SEMA4F: variants seen among roughly 807,000 people sequenced by gnomAD.
The protein encoded by SEMA4F is ssemaphorin 4F, also known as semaphorin-4F.
Under a neutral mutation model 78.4 loss-of-function variants are expected in SEMA4F, and 51 were observed. The ratio of observed to expected loss-of-function variants is 0.65; its 90% CI spans 0.52 to 0.82. The LOEUF (loss-of-function observed/expected upper bound fraction) is 0.82, where lower values mean the gene tolerates loss of function less well. Among genes scored for constraint, SEMA4F ranks in the 40% least tolerant of loss-of-function variants. The probability of loss-of-function intolerance (pLI) is 0.00; values close to 1 mark genes in which losing one functional copy is unlikely to be tolerated. For missense variants in SEMA4F, 938 were observed against 1,014.4 expected (o/e 0.92, Z 1.02); for synonymous variants, 418 against 408.7 (o/e 1.02, Z -0.27).
downstream of SEMA4F, among the ~76,000 whole-genome samples, chr2:74,684,874 G>T: frequency 6.6e-6 from 1 of 152,214 alleles, no homozygotes; most frequent in East Asian, 1.9e-4. Flanking sequence ...TGAGGCGAGA[G>T]GATGGATTAA....
intron 5 of SEMA4F, among the ~76,000 whole-genome samples, chr2:74,671,147 T>C (rs1003003622): frequency 2.0e-5 from 3 of 152,170 alleles, no homozygotes; most frequent in Non-Finnish European, 4.4e-5. Flanking sequence ...TACTAGTACT[T>C]GGGTTCAAAC....
intron 4 of SEMA4F, among the ~76,000 whole-genome samples, chr2:74,662,185 G>A (rs186759377): frequency 2.6e-5 from 4 of 152,242 alleles, no homozygotes; most frequent in East Asian, 1.9e-4. Flanking sequence ...GCCCTTGGTC[G>A]TATGATGCAG....
rs1029372369 is a variant in SEMA4F, at chr2:74,654,252, A to C, written c.-125A>C. ...AGGGGGCGGAGCCGGGCGGTGTTTCATCCCTCAGCCTCAGGCTGAGCCGGA... is the reference window on the plus strand; with the variant it reads ...AGGGGGCGGAGCCGGGCGGTGTTTCCTCCCTCAGCCTCAGGCTGAGCCGGA... On this transcript the variant is annotated 5_prime_UTR_variant, in exon 1 of 14. Coordinates refer to ENST00000357877, the MANE Select transcript of SEMA4F (RefSeq NM_004263.5). 8.7e-7 allele frequency: 1 copy of C among 1,150,888 alleles called. No individual in the cohort carries two copies. The highest frequency in any genetic ancestry group is 1.6e-5 in the African/African-American group (1 of 61,172). 71.3% of individuals were successfully genotyped at this position (1,150,888 alleles called of 1,614,324 possible).
the SEMA4F span, among the ~76,000 whole-genome samples, chr2:74,707,895 G>T: frequency 6.6e-6 from 1 of 152,140 alleles, no homozygotes; most frequent in South Asian, 2.1e-4. Flanking sequence ...ATCCTCAGGG[G>T]TCTCCTCAAG....
chr2:74,655,307 GA>G, intron 1 of SEMA4F: 1 of 405,754 alleles, frequency 2.5e-6, no homozygotes. Context: ...ATGATCCTTT[GA>G]AAAGATGTGG....
rs779262858 is a variant in SEMA4F, at chr2:74,679,625, G to A, written c.1729G>A (p.Val577Met). 3.1e-6 allele frequency: 5 copies of A among 1,605,522 alleles called. No homozygotes were observed. Among genetic ancestry groups the A allele is most frequent in the African/African-American group, 1.3e-5 (1 of 74,900 alleles). The change falls in exon 14 of 14, where the codon GTG (valine) becomes ATG (methionine). Residue 577 changes from valine (V) to methionine (M), a missense_variant. By Grantham distance (21) the Val-to-Met change is conservative (BLOSUM62 1). Transcript: ENST00000357877. ...GERPVVFEVP[V>M]ATAAHVVLPC... ...ACGTCCAGTAGTGTTTGAAGTTCCCGTGGCTACAGCTGCGCATGTGGTCTT... is the reference window on the plus strand; with the variant it reads ...ACGTCCAGTAGTGTTTGAAGTTCCCATGGCTACAGCTGCGCATGTGGTCTT...
Position 74,666,291 on chromosome 2 carries a change from G to C in SEMA4F, c.550+3466G>C, listed in dbSNP as rs541522657. Among the ~76,000 whole-genome samples, 9 of 152,290 alleles carry C rather than the reference G, an allele frequency of 5.9e-5. 1 individual carries two copies. The South Asian group carries it at 1.9e-3, about 32-fold the overall frequency. On this transcript the variant is annotated intron_variant, in intron 5 of 13. Coordinates refer to ENST00000357877, the MANE Select transcript of SEMA4F (RefSeq NM_004263.5). ...GCAAGTGAATTCATATTAGAATGTG[G>C]TTTAAGAATACAAATTTCCAGTTTT...
chr2:74,673,361 A>G (rs1685083556), intron 5 of SEMA4F, 96 bp from the exon 6 acceptor site: 1 of 1,467,148 alleles, frequency 6.8e-7, no homozygotes, highest in Non-Finnish European at 9.4e-7. Flanking sequence ...AGTCCCTGAG[A>G]GTCGCTGCCC....
chr2:74,704,438 C>T, the SEMA4F span, among the ~76,000 whole-genome samples: 10 of 151,160 alleles, frequency 6.6e-5, no homozygotes, highest in Non-Finnish European at 1.0e-4. Flanking sequence ...TTACCAGCTA[C>T]GTGGCCTTGA....
chr2:74,673,610 C>A lies in SEMA4F; in HGVS notation c.670+34C>A, dbSNP rs368298404. ...AGGGAGAGGGGTCCTCTGGGGAGACCGATGGGGTGGAGTCTGGGAAGTCCT... is the reference window on the plus strand; with the variant it reads ...AGGGAGAGGGGTCCTCTGGGGAGACAGATGGGGTGGAGTCTGGGAAGTCCT... On this transcript the variant is annotated intron_variant, in intron 6 of 13. Coordinates refer to ENST00000357877, the MANE Select transcript of SEMA4F (RefSeq NM_004263.5). 3.7e-6 allele frequency: 6 copies of A among 1,613,320 alleles called. No individual in the cohort carries two copies. In the East Asian group the frequency reaches 1.3e-4, roughly 36 times the overall value.
intron 5 of SEMA4F, among the ~76,000 whole-genome samples, chr2:74,664,841 T>C (rs1684600434): frequency 6.6e-6 from 1 of 152,204 alleles, no homozygotes; most frequent in African/African-American, 2.4e-5. Context: ...ATCTTTTCCT[T>C]TGTGATTGTA....
At chr2:74,679,381 G>C (rs565570940) in intron 13 of SEMA4F, 47 bp downstream of exon 13, 2 of 1,530,956 alleles carry the variant, frequency 1.3e-6, no homozygotes, top group South Asian at 2.2e-5. Context: ...GGAGTGGATG[G>C]AAAGGGGCTA....
rs1366435827 is a variant in SEMA4F at position 74,654,603 on chromosome 2, G to C, written c.145+82G>C. 2.2e-5 allele frequency: 28 copies of C among 1,265,066 alleles called. No homozygotes were observed. In the Admixed American group the frequency reaches 8.5e-4, roughly 39 times the overall value. 78.4% of individuals were successfully genotyped at this position (1,265,066 alleles called of 1,614,324 possible). ...CACCTGCTCCTCAGACCGCTCGGCCGGACCCGGGCCTCTCAGCCTGGTGTA... is the reference window on the plus strand; with the variant it reads ...CACCTGCTCCTCAGACCGCTCGGCCCGACCCGGGCCTCTCAGCCTGGTGTA... On this transcript the variant is annotated intron_variant, in intron 1 of 13. Coordinates refer to ENST00000357877, the MANE Select transcript of SEMA4F (RefSeq NM_004263.5).
rs985276961 is a variant in SEMA4F at position 74,654,316 on chromosome 2, C to A, written c.-61C>A. The A allele has an allele frequency of 9.4e-6, 13 of 1,385,980 alleles. No individual in the cohort carries two copies. Among genetic ancestry groups the A allele is most frequent in the Non-Finnish European group, 1.2e-5 (13 of 1,076,316 alleles). 85.9% of individuals were successfully genotyped at this position (1,385,980 alleles called of 1,614,324 possible). ...ACCCGAGTGGGGCCGAGGCCAGTAG[C>A]CCCGGGGCCCTGAGCAGAGGCCGTA... On this transcript the variant is annotated 5_prime_UTR_variant, in exon 1 of 14. Coordinates refer to ENST00000357877, the MANE Select transcript of SEMA4F (RefSeq NM_004263.5).
At position 74,682,280 on chromosome 2, in the gene SEMA4F, G is replaced by A. The variant is rs1685657957; in HGVS notation, c.*2071G>A. ...AAATACAAAAAATTAGCCGGGCGTG[G>A]TGGCGGGGGCCTGTAGTCCCAGCTA... On this transcript the variant is annotated 3_prime_UTR_variant, in exon 14 of 14. Coordinates refer to ENST00000357877, the MANE Select transcript of SEMA4F (RefSeq NM_004263.5). 6.6e-6 allele frequency: 1 copy of A among 152,170 alleles called. No individual in the cohort carries two copies. Among genetic ancestry groups the A allele is most frequent in the Non-Finnish European group, 1.5e-5 (1 of 68,064 alleles). 9.4% of individuals were successfully genotyped at this position (152,170 alleles called of 1,614,324 possible). A position where few individuals can be genotyped will look rare whatever the true frequency, so the allele number is the denominator to read the frequency against.
intron 4 of SEMA4F, among the ~76,000 whole-genome samples, chr2:74,661,036 G>A (rs904116420): frequency 6.6e-6 from 1 of 152,118 alleles, no homozygotes; most frequent in Non-Finnish European, 1.5e-5. Flanking sequence ...ACAGATAGGA[G>A]GGATTCCAGA....
chr2:74,694,327 TG>T, the SEMA4F span, among the ~76,000 whole-genome samples: 1 of 152,094 alleles, frequency 6.6e-6, no homozygotes, highest in Non-Finnish European at 1.5e-5. Context: ...TTGAGCAGCT[TG>T]GGGCCAGACA....
rs12620976 is a variant in SEMA4F at position 74,662,585 on chromosome 2, T to G, written c.457-147T>G. On this transcript the variant is annotated intron_variant, in intron 4 of 13. Transcript: ENST00000357877. ...GATGGGGGCATCAGGAATAGCTGAC[T>G]GGTAATATGGGGATGATAGTTGGGG... 219 of 708,714 alleles carry G rather than the reference T, an allele frequency of 3.1e-4. 1 individual carries two copies. In the East Asian group the frequency reaches 5.3e-3, roughly 17 times the overall value. 43.9% of individuals were successfully genotyped at this position (708,714 alleles called of 1,614,324 possible). A position where few individuals can be genotyped will look rare whatever the true frequency, so the allele number is the denominator to read the frequency against.
At chr2:74,692,351 A>C in the SEMA4F span, among the ~76,000 whole-genome samples, 1 of 152,212 alleles carries the variant, frequency 6.6e-6, no homozygotes, top group Non-Finnish European at 1.5e-5. Flanking sequence ...GCTGTCTGAA[A>C]TACAAGGCAG....
Sources: gnomAD v4.1 joint callset for allele counts (sites outside exome capture counted in the v4.1 genomes callset) on GRCh38, gnomAD v4.1.1 for gene constraint, MANE v1.5 for transcripts, NCBI Gene and HGNC (gene_info 2026-07-23, HGNC 2026-07-21) for gene names.